Variants in FTCDNL1 observed in about 807,000 individuals in gnomAD.
The protein encoded by FTCDNL1 is formiminotransferase N-terminal subdomain-containing protein.
Under a neutral mutation model 5.9 loss-of-function variants are expected in FTCDNL1, and 11 were observed. That is an observed-to-expected ratio of 1.87 (90% confidence interval 1.18 to 3.10). FTCDNL1 has a LOEUF of 3.10. Ranked by LOEUF, FTCDNL1 falls within the 30% of genes most tolerant of loss-of-function variation. The pLI, the probability that FTCDNL1 is intolerant of heterozygous loss-of-function variation, is 0.00. For missense variants in FTCDNL1, 115 were observed against 65.5 expected (o/e 1.76, Z -2.61); for synonymous variants, 58 against 24.8 (o/e 2.34, Z -3.99).
At chr2:199,672,455 G>A in the FTCDNL1 span, among the ~76,000 whole-genome samples, 1 of 152,116 alleles carries the variant, frequency 6.6e-6, no homozygotes, top group Non-Finnish European at 1.5e-5. Flanking sequence ...GTATATCTAT[G>A]GCTGTATAGC....
intron 3 of FTCDNL1, among the ~76,000 whole-genome samples, chr2:199,778,198 C>T (rs1439218005): frequency 2.6e-5 from 4 of 152,148 alleles, no homozygotes; most frequent in African/African-American, 9.7e-5. Context: ...CCAGCTGATA[C>T]ATATTTAGGT....
At chr2:199,843,838 C>G (rs898253906) in intron 3 of FTCDNL1, among the ~76,000 whole-genome samples, 3 of 152,056 alleles carry the variant, frequency 2.0e-5, no homozygotes, top group African/African-American at 4.8e-5. Context: ...TTCAAAAACA[C>G]CTCAAGTGAC....
intron 3 of FTCDNL1, among the ~76,000 whole-genome samples, chr2:199,836,237 T>C (rs1702730441): frequency 6.6e-6 from 1 of 152,100 alleles, no homozygotes; most frequent in Non-Finnish European, 1.5e-5. Flanking sequence ...ACATCATGGC[T>C]CACTGCAGCC....
intron 3 of FTCDNL1, among the ~76,000 whole-genome samples, chr2:199,838,180 T>G (rs1025076814): frequency 6.6e-6 from 1 of 152,164 alleles, no homozygotes; most frequent in Non-Finnish European, 1.5e-5. Flanking sequence ...GTCCACAGTA[T>G]CCTGCAGAGA....
chr2:199,788,760 G>T (rs1475296195), intron 3 of FTCDNL1, among the ~76,000 whole-genome samples: 3 of 151,748 alleles, frequency 2.0e-5, no homozygotes. Context: ...CCTTTGAAAA[G>T]ATTATAAAAT....
chr2:199,740,356 C>A, the FTCDNL1 span, among the ~76,000 whole-genome samples: 5 of 152,176 alleles, frequency 3.3e-5, no homozygotes, highest in African/African-American at 1.2e-4. Context: ...CCAGTTGCAC[C>A]ACCAAAAGGT....
At chr2:199,795,003 G>A (rs1461761763) in intron 3 of FTCDNL1, among the ~76,000 whole-genome samples, 1 of 152,180 alleles carries the variant, frequency 6.6e-6, no homozygotes, top group Non-Finnish European at 1.5e-5. Flanking sequence ...CTGACCCAAG[G>A]TCAGATTCTG....
At chr2:199,680,230 C>T in the FTCDNL1 span, among the ~76,000 whole-genome samples, 1 of 152,102 alleles carries the variant, frequency 6.6e-6, no homozygotes, top group African/African-American at 2.4e-5. Context: ...GAGTTTGTAA[C>T]CTCAATATAA....
At chr2:199,722,782 G>A in the FTCDNL1 span, among the ~76,000 whole-genome samples, 2 of 152,020 alleles carry the variant, frequency 1.3e-5, no homozygotes, top group African/African-American at 4.8e-5. Flanking sequence ...ATTTGTTAGT[G>A]TCCTCTCTGA....
intron 3 of FTCDNL1, among the ~76,000 whole-genome samples, chr2:199,786,062 A>G (rs999150043): frequency 6.6e-6 from 1 of 152,154 alleles, no homozygotes; most frequent in African/African-American, 2.4e-5. Context: ...GAGCTCAGGC[A>G]GTAATGCTCG....
chr2:199,762,832 A>G (rs1238444182), intron 3 of FTCDNL1, among the ~76,000 whole-genome samples: 3 of 152,226 alleles, frequency 2.0e-5, no homozygotes, highest in Non-Finnish European at 4.4e-5. Flanking sequence ...TAGGTTATAT[A>G]TAACAATCAA....
At chr2:199,698,893 G>C in the FTCDNL1 span, among the ~76,000 whole-genome samples, 10 of 152,058 alleles carry the variant, frequency 6.6e-5, no homozygotes, top group African/African-American at 1.9e-4. Flanking sequence ...GAAAGAAAGA[G>C]AGATGATCCA....
In FTCDNL1 at chr2:199,848,922, A is replaced by C; in HGVS notation, c.41T>G (p.Leu14Ter). 1 of 702,326 alleles carries C rather than the reference A, an allele frequency of 1.4e-6. No homozygotes were observed. The highest frequency in any genetic ancestry group is 2.6e-6 in the Non-Finnish European group (1 of 384,788). 43.5% of individuals were successfully genotyped at this position (702,326 alleles called of 1,614,324 possible). The part of the protein sequence containing the change: ...SRVGLRLAAC[L>*]LNVSEAGRKY... ...TCTTCCGGCTTCTGAAACGTTTAGTAAACAGGCAGCCAAACGGAGCCCCAC... is the reference window on the plus strand; with the variant it reads ...TCTTCCGGCTTCTGAAACGTTTAGTCAACAGGCAGCCAAACGGAGCCCCAC... Residue 14 changes from leucine (L) to a stop codon, truncating the protein, a stop_gained, in exon 2 of 5, where the codon TTA (leucine) becomes TGA (stop). Transcript: ENST00000420128. LOFTEE classifies it high-confidence loss of function.
At chr2:199,718,187 A>C in the FTCDNL1 span, among the ~76,000 whole-genome samples, 1 of 152,046 alleles carries the variant, frequency 6.6e-6, no homozygotes, top group East Asian at 1.9e-4. Context: ...ATTGTACCAA[A>C]CAGGCAATTT....
At chr2:199,752,756 GTGTGTGTGTGTGTGTGTGTGTGTGTA>G in the FTCDNL1 span, among the ~76,000 whole-genome samples, 430 of 146,962 alleles carry the variant, frequency 2.9e-3, 2 homozygotes, top group African/African-American at 9.8e-3. Context: ...GTGTGTGTGT[GTGTGTGTGTGTGTGTGTGTGTGTGTA>G]TGTGTGTGTG....
chr2:199,694,044 TC>T, the FTCDNL1 span, among the ~76,000 whole-genome samples: 1 of 152,124 alleles, frequency 6.6e-6, no homozygotes, highest in Non-Finnish European at 1.5e-5. Context: ...GGTATTTAAT[TC>T]CAAGGTCTGT....
the FTCDNL1 span, among the ~76,000 whole-genome samples, chr2:199,725,528 T>G: frequency 6.6e-6 from 1 of 152,166 alleles, no homozygotes; most frequent in African/African-American, 2.4e-5. Flanking sequence ...TGGTAACAGT[T>G]TTTTCTTTCC....
chr2:199,669,309 G>GA, the FTCDNL1 span, among the ~76,000 whole-genome samples: 3 of 152,116 alleles, frequency 2.0e-5, no homozygotes, highest in Admixed American at 6.5e-5. Context: ...AAGCAAAAGA[G>GA]AAAAAAATAA....
At chr2:199,714,287 G>A in the FTCDNL1 span, among the ~76,000 whole-genome samples, 1 of 151,756 alleles carries the variant, frequency 6.6e-6, no homozygotes, top group East Asian at 1.9e-4. Context: ...AAACTCAAGA[G>A]ATCAATAGAA....
Sources: allele counts gnomAD v4.1 joint callset (sites outside exome capture counted in the v4.1 genomes callset), GRCh38; gene constraint gnomAD v4.1.1; transcripts MANE v1.5; gene names NCBI Gene and HGNC (gene_info 2026-07-23, HGNC 2026-07-21).